PTGER3: variants seen among roughly 807,000 people sequenced by gnomAD.
PTGER3 encodes the protein prostaglandin E2 receptor EP3 subtype.
Under a neutral mutation model 34.7 loss-of-function variants are expected in PTGER3, and 22 were observed. The ratio of observed to expected loss-of-function variants is 0.63; its 90% confidence interval spans 0.45 to 0.91. The LOEUF (loss-of-function observed/expected upper bound fraction) is 0.91, where lower values mean the gene tolerates loss of function less well. Among genes scored for constraint, PTGER3 ranks in the 40% least tolerant of loss-of-function variants. PTGER3 has a pLI of 0.00. For missense variants in PTGER3, 468 were observed against 519.4 expected, an observed-to-expected ratio of 0.90 and a Z score of 0.96; for synonymous variants, 241 against 230.1, an observed-to-expected ratio of 1.05 and a Z score of -0.43.
intron 4 of PTGER3, among the ~76,000 whole-genome samples, chr1:70,895,822 G>C (rs185386101): frequency 3.3e-5 from 5 of 152,298 alleles, no homozygotes; most frequent in Admixed American, 1.3e-4. Context: ...CAAAGCTCAG[G>C]CTAAGGTGGT....
chr1:70,878,471 T>A (rs942455480), intron 4 of PTGER3, among the ~76,000 whole-genome samples: 5 of 152,080 alleles, frequency 3.3e-5, no homozygotes, highest in African/African-American at 1.2e-4. Flanking sequence ...CAATTTCCTT[T>A]CATTTTGCTC....
At chr1:70,996,908 C>T (rs1464105090) in intron 2 of PTGER3, among the ~76,000 whole-genome samples, 2 of 152,106 alleles carry the variant, frequency 1.3e-5, no homozygotes, top group Non-Finnish European at 2.9e-5. Context: ...GTGATCCGCC[C>T]GCCTTGGCCT....
At chr1:70,859,936 A>G (rs1185736702) in intron 4 of PTGER3, among the ~76,000 whole-genome samples, 1 of 152,172 alleles carries the variant, frequency 6.6e-6, no homozygotes, top group Non-Finnish European at 1.5e-5. Context: ...AGAGCAAAGA[A>G]AGAAGTAATG....
chr1:70,947,104 T>C (rs1338462217), intron 4 of PTGER3, among the ~76,000 whole-genome samples: 2 of 152,124 alleles, frequency 1.3e-5, no homozygotes, highest in Admixed American at 1.3e-4. Flanking sequence ...TCAGTAAAAA[T>C]AGGGATAAAA....
chr1:71,024,637 TTTTC>T (rs1658721177), intron 1 of PTGER3, among the ~76,000 whole-genome samples: 1 of 126,816 alleles, frequency 7.9e-6, no homozygotes, highest in Non-Finnish European at 1.7e-5. Context: ...CATTCTATCC[TTTTC>T]TTTCTTTTTT....
intron 1 of PTGER3, among the ~76,000 whole-genome samples, chr1:71,034,936 C>T (rs971142731): frequency 4.6e-5 from 7 of 151,878 alleles, no homozygotes; most frequent in African/African-American, 7.3e-5. Flanking sequence ...ATAACTTTGG[C>T]GACAAAAATG....
intron 4 of PTGER3, among the ~76,000 whole-genome samples, chr1:70,941,912 G>A (rs768661011): frequency 4.6e-5 from 7 of 151,732 alleles, no homozygotes; most frequent in South Asian, 4.2e-4. Context: ...ATTTAATCAC[G>A]ACCGTCCTCC....
At chr1:70,956,927 G>A (rs564700987) in intron 2 of PTGER3, among the ~76,000 whole-genome samples, 8 of 152,100 alleles carry the variant, frequency 5.3e-5, no homozygotes, top group Non-Finnish European at 1.2e-4. Context: ...CCAGGGAGTC[G>A]GAGGTTCCTG....
intron 2 of PTGER3, among the ~76,000 whole-genome samples, chr1:70,984,689 T>C (rs1654739180): frequency 1.3e-5 from 2 of 152,014 alleles, no homozygotes; most frequent in Non-Finnish European, 2.9e-5. Flanking sequence ...ATTGTACCAC[T>C]GCACTCCAGC....
Position 70,982,520 on chromosome 1 carries a change from G to T in PTGER3, c.1078-8132C>A, listed in dbSNP as rs1258381513. On this transcript the variant is annotated intron_variant, in intron 2 of 3. Transcript: ENST00000306666. ...ACACAATTGTTTCTAAAGAGAGCCT[G>T]CTCATTACACACATACATACTCAGA... 2.0e-5 allele frequency among the ~76,000 whole-genome samples: 3 copies of T among 152,100 alleles called. No homozygotes were observed. In the East Asian group the frequency reaches 5.8e-4, roughly 29 times the overall value.
intron 4 of PTGER3, chr1:70,862,221 C>T: frequency 1.3e-6 from 1 of 745,408 alleles, no homozygotes; most frequent in Admixed American, 4.0e-5. Flanking sequence ...AAATGAGATA[C>T]ATAAAACAAA....
At chr1:70,948,932 C>T (rs377512591), downstream of PTGER3, among the ~76,000 whole-genome samples, 37 of 152,122 alleles carry the variant, frequency 2.4e-4, no homozygotes, top group African/African-American at 5.3e-4. Context: ...AAAGAAAGGA[C>T]GAATTAGAGC....
At chr1:70,953,091 A>T (rs1216173155) in intron 3 of PTGER3, 1 of 1,510,894 alleles carries the variant, frequency 6.6e-7, no homozygotes, top group Admixed American at 2.1e-5. Flanking sequence ...GAGAAAAGAA[A>T]ATAATAAAAA....
chr1:70,878,276 T>A (rs1298350403), intron 4 of PTGER3, among the ~76,000 whole-genome samples: 7 of 152,138 alleles, frequency 4.6e-5, no homozygotes, highest in Admixed American at 4.6e-4. Flanking sequence ...TTCATCATAA[T>A]CTTTGAGGTG....
Position 71,047,202 on chromosome 1 carries a change from A to G in PTGER3, c.376T>C (p.Ser126Pro). Residue 126 changes from serine to proline, a missense_variant, in exon 1 of 4, where the codon TCG becomes CCG. Physicochemically the swap from Ser to Pro is moderately conservative, Grantham distance 74. This residue lies in a region of PTGER3 where 53 missense variants were observed against 93.9 expected (regional missense o/e 0.56). Coordinates refer to ENST00000306666, the MANE Select transcript of PTGER3 (RefSeq NM_198719.2). ...CCGAAAAAGGTGCAGAGCCGCCCCG[A>G]CGGGTCGATGTGCTCCCAACGCTGC... ...SKQRWEHIDP[S>P]GRLCTFFGLT... 6.3e-7 allele frequency: 1 copy of G among 1,598,600 alleles called. No homozygotes were observed. Among genetic ancestry groups the G allele is most frequent in the Non-Finnish European group, 8.5e-7 (1 of 1,172,920 alleles).
At chr1:70,939,497 C>G (rs1412520265) in intron 4 of PTGER3, among the ~76,000 whole-genome samples, 2 of 152,244 alleles carry the variant, frequency 1.3e-5, no homozygotes, top group Non-Finnish European at 2.9e-5. Context: ...TCTGCACTTC[C>G]CTAGTAGAGG....
chr1:71,033,127 T>G (rs1452657860), intron 1 of PTGER3, among the ~76,000 whole-genome samples: 2 of 152,210 alleles, frequency 1.3e-5, no homozygotes, highest in Non-Finnish European at 2.9e-5. Flanking sequence ...AGTCACTTCC[T>G]TCTTGGGGAG....
At chr1:71,006,062 A>G (rs181298355) in intron 2 of PTGER3, 3 of 701,658 alleles carry the variant, frequency 4.3e-6, no homozygotes, top group Admixed American at 1.3e-4. Flanking sequence ...GTATATTAGC[A>G]TTAACTGTAG....
At chr1:70,915,757 G>T (rs1217259439) in intron 4 of PTGER3, among the ~76,000 whole-genome samples, 2 of 151,936 alleles carry the variant, frequency 1.3e-5, no homozygotes, top group African/African-American at 4.8e-5. Context: ...TTAGATGATT[G>T]TAGATGTGCA....
Sources: gnomAD v4.1 joint callset for allele counts (sites outside exome capture counted in the v4.1 genomes callset) on GRCh38, gnomAD v4.1.1 for gene constraint, gnomAD v4.1.1 regional missense constraint, MANE v1.5 for transcripts, NCBI Gene and HGNC (gene_info 2026-07-23, HGNC 2026-07-21) for gene names.